Variants in KLF3 observed in about 807,000 individuals in gnomAD.
The protein encoded by KLF3 is KLF transcription factor 3.
Under a neutral mutation model 32.7 loss-of-function variants are expected in KLF3, and 6 were observed. The observed-to-expected ratio is 0.18, with a 90% CI of 0.10 to 0.36. The LOEUF is 0.36. Ranked by LOEUF, KLF3 falls within the 10% of genes least tolerant of loss-of-function variation. The pLI, the probability that KLF3 is intolerant of heterozygous loss-of-function variation, is 1.00. For missense variants in KLF3, 338 were observed against 449.7 expected (o/e 0.75, Z 2.25); for synonymous variants, 145 against 172.8 (o/e 0.84, Z 1.26).
rs1723130899 is a variant in KLF3 at position 38,699,120 on chromosome 4, G to C, written c.*1857G>C. 1 of 152,156 alleles carries C rather than the reference G, an allele frequency of 6.6e-6. No homozygotes were observed. Among genetic ancestry groups the C allele is most frequent in the African/African-American group, 2.4e-5 (1 of 41,446 alleles). 9.4% of individuals were successfully genotyped at this position (152,156 alleles called of 1,614,324 possible). The stretch of plus-strand genomic sequence containing the variant: ...TGTGAACCAGCTGTAAAGAAATGTA[G>C]TTAAGAAATGCAAAGAAATGTGTTA... On this transcript the variant is annotated 3_prime_UTR_variant, in exon 6 of 6. Transcript: ENST00000261438.
chr4:38,696,100 T>A (rs1723036488), intron 5 of KLF3, among the ~76,000 whole-genome samples: 2 of 149,708 alleles, frequency 1.3e-5, no homozygotes, highest in South Asian at 4.2e-4. Flanking sequence ...CCTTGAGGCA[T>A]TAGTGGGACC....
chr4:38,684,163 C>A (rs1205393792), intron 2 of KLF3, among the ~76,000 whole-genome samples: 1 of 152,216 alleles, frequency 6.6e-6, no homozygotes, highest in African/African-American at 2.4e-5. Context: ...AACTATTCCT[C>A]ATAAAATGAG....
chr4:38,665,344 G>A (rs535460057), intron 1 of KLF3, among the ~76,000 whole-genome samples: 1 of 152,270 alleles, frequency 6.6e-6, no homozygotes, highest in South Asian at 2.1e-4. Flanking sequence ...AGGACCCATG[G>A]GACCTACCTA....
intron 4 of KLF3, chr4:38,690,776 C>G (rs922231022): frequency 2.6e-5 from 4 of 152,168 alleles, no homozygotes; most frequent in African/African-American, 9.7e-5. Flanking sequence ...TTCTCTACCC[C>G]CTGTACCCCG....
chr4:38,670,884 T>C (rs1416878926), intron 1 of KLF3, among the ~76,000 whole-genome samples: 1 of 152,264 alleles, frequency 6.6e-6, no homozygotes, highest in Non-Finnish European at 1.5e-5. Context: ...TACCTACTTA[T>C]TAGAGCTAAT....
chr4:38,689,121 G>T, intron 3 of KLF3, 50 bp downstream of exon 3: 1 of 1,595,172 alleles, frequency 6.3e-7, no homozygotes, highest in East Asian at 2.2e-5. Context: ...GCGTACTGGC[G>T]CTTCACCAGA....
At chr4:38,693,995 G>A (rs1332066373) in intron 4 of KLF3, among the ~76,000 whole-genome samples, 1 of 152,168 alleles carries the variant, frequency 6.6e-6, no homozygotes, top group Non-Finnish European at 1.5e-5. Context: ...GCATGCCATG[G>A]GGGAGCCGGC....
At chr4:38,694,978 G>A (rs377594711) in intron 5 of KLF3, 72 bp downstream of exon 5, 47 of 1,468,792 alleles carry the variant, frequency 3.2e-5, no homozygotes, top group East Asian at 5.0e-5. Flanking sequence ...AGGTTGTTAC[G>A]ATCAAAGTTT....
At chr4:38,667,624 ATTTG>A (rs982847096) in intron 1 of KLF3, among the ~76,000 whole-genome samples, 3 of 152,146 alleles carry the variant, frequency 2.0e-5, no homozygotes, top group Admixed American at 6.5e-5. Context: ...TTTTGTTTGT[ATTTG>A]TTTGTAATTC....
At chr4:38,676,504 C>T (rs1043025063) in intron 1 of KLF3, among the ~76,000 whole-genome samples, 8 of 152,002 alleles carry the variant, frequency 5.3e-5, no homozygotes, top group Non-Finnish European at 8.8e-5. Context: ...GAAAGCTGTC[C>T]CACCCACCGC....
chr4:38,699,779 A>T lies in KLF3; in HGVS notation c.*2516A>T, dbSNP rs1723150062. 6.6e-6 allele frequency: 1 copy of T among 152,212 alleles called. No homozygotes were observed. The allele number at this position is 152,212 out of a possible 1,614,324, so 9.4% of individuals were successfully genotyped here. On this transcript the variant is annotated 3_prime_UTR_variant, in exon 6 of 6. Transcript: ENST00000261438. Reference sequence around the variant, plus strand: ...ATTCTCTATTCCCATGCTGGTCAATACGCTTTCATTACCAATTGGCCCTTA... The same window carrying T: ...ATTCTCTATTCCCATGCTGGTCAATTCGCTTTCATTACCAATTGGCCCTTA...
chr4:38,700,367 T>C lies in KLF3; in HGVS notation c.*3104T>C, dbSNP rs1410884111. The C allele has an allele frequency of 6.6e-6, 1 of 152,238 alleles. No individual in the cohort carries two copies. The highest frequency in any genetic ancestry group is 2.4e-5 in the African/African-American group (1 of 41,468). The allele number at this position is 152,238 out of a possible 1,614,324, so 9.4% of individuals were successfully genotyped here. On this transcript the variant is annotated 3_prime_UTR_variant, in exon 6 of 6. Coordinates refer to ENST00000261438, the MANE Select transcript of KLF3 (RefSeq NM_016531.6). ...ATACTGTATATATGCGCATCATTCC[T>C]GATTAGATTGTTGTAAAGACAATCT...
chr4:38,678,631 G>C (rs1260253576), intron 1 of KLF3, among the ~76,000 whole-genome samples: 1 of 152,176 alleles, frequency 6.6e-6, no homozygotes, highest in African/African-American at 2.4e-5. Flanking sequence ...GAACGACATA[G>C]TATCACTTCC....
chr4:38,696,625 A>G (rs1393331659), intron 5 of KLF3, among the ~76,000 whole-genome samples: 1 of 152,244 alleles, frequency 6.6e-6, no homozygotes, highest in Admixed American at 6.5e-5. Flanking sequence ...TCCCTAACAG[A>G]TACTTCAGTT....
intron 5 of KLF3, 79 bp downstream of exon 5, chr4:38,694,985 G>A: frequency 7.1e-7 from 1 of 1,410,998 alleles, no homozygotes. Context: ...TACGATCAAA[G>A]TTTTCAGGCA....
chr4:38,678,194 G>C (rs1579121374), intron 1 of KLF3, among the ~76,000 whole-genome samples: 1 of 152,148 alleles, frequency 6.6e-6, no homozygotes, highest in Admixed American at 6.5e-5. Context: ...AGGGTGACCA[G>C]CCGTGAGTCA....
rs1409411239 is a variant in KLF3 at position 38,698,993 on chromosome 4, A to T, written c.*1730A>T. The T allele has an allele frequency of 6.6e-6, 1 of 152,214 alleles. No homozygotes were observed. Among genetic ancestry groups the T allele is most frequent in the African/African-American group, 2.4e-5 (1 of 41,462 alleles). 9.4% of individuals were successfully genotyped at this position (152,214 alleles called of 1,614,324 possible). A position where few individuals can be genotyped will look rare whatever the true frequency, so the allele number is the denominator to read the frequency against. On this transcript the variant is annotated 3_prime_UTR_variant, in exon 6 of 6. Transcript: ENST00000261438. ...AACATCTGTGAATGAGTGATTCCGGAGGCCTGTGAATTGTGTGGGGAGCTT... is the reference window on the plus strand; with the variant it reads ...AACATCTGTGAATGAGTGATTCCGGTGGCCTGTGAATTGTGTGGGGAGCTT...
intron 2 of KLF3, among the ~76,000 whole-genome samples, chr4:38,682,833 C>G (rs998182708): frequency 6.6e-6 from 1 of 152,152 alleles, no homozygotes; most frequent in East Asian, 1.9e-4. Flanking sequence ...CCTTCATGTG[C>G]TAGATTTCAA....
At chr4:38,690,613 G>T (rs1474251516) in intron 4 of KLF3, 1 of 152,226 alleles carries the variant, frequency 6.6e-6, no homozygotes, top group Non-Finnish European at 1.5e-5. Context: ...TTGTAGTTGT[G>T]ATTGTCTTGT....
Sources: allele counts gnomAD v4.1 joint callset (sites outside exome capture counted in the v4.1 genomes callset), GRCh38; gene constraint gnomAD v4.1.1; transcripts MANE v1.5; gene names NCBI Gene and HGNC (gene_info 2026-07-23, HGNC 2026-07-21).